TENM4: variants seen among roughly 807,000 people sequenced by gnomAD.
The protein encoded by TENM4 is teneurin transmembrane protein 4.
TENM4 carries 82 observed loss-of-function variants against 243.3 expected under a neutral mutation model. The observed-to-expected ratio is 0.34, with a 90% CI of 0.28 to 0.40. The LOEUF (loss-of-function observed/expected upper bound fraction) is 0.40. TENM4 is among the 10% of genes least tolerant of loss of function. TENM4 has a pLI of 1.00. For missense variants in TENM4, 3,138 were observed against 3,673.3 expected, an observed-to-expected ratio of 0.85 and a Z score of 3.77; for synonymous variants, 1,412 against 1,456.3, an observed-to-expected ratio of 0.97 and a Z score of 0.69.
intron 3 of TENM4, among the ~76,000 whole-genome samples, chr11:79,204,102 G>T (rs1291535583): frequency 6.6e-6 from 1 of 152,200 alleles, no homozygotes; most frequent in East Asian, 1.9e-4. Context: ...GTGGTGCAGG[G>T]GGTGGAGGCA....
At chr11:78,878,934 C>A (rs1859339418) in intron 9 of TENM4, among the ~76,000 whole-genome samples, 1 of 152,230 alleles carries the variant, frequency 6.6e-6, no homozygotes, top group South Asian at 2.1e-4. Flanking sequence ...AATATAATGG[C>A]TTTTACACTT....
chr11:79,033,103 G>A (rs1859287708), intron 6 of TENM4, among the ~76,000 whole-genome samples: 1 of 152,030 alleles, frequency 6.6e-6, no homozygotes, highest in Non-Finnish European at 1.5e-5. Context: ...CCTCAGGGAA[G>A]AACTAAATCT....
chr11:78,806,671 T>C (rs1279614710), intron 14 of TENM4, among the ~76,000 whole-genome samples: 1 of 152,200 alleles, frequency 6.6e-6, no homozygotes, highest in Non-Finnish European at 1.5e-5. Context: ...GAGGAATTCT[T>C]TTCCTGATTT....
chr11:79,436,452 A>G (rs1339999988), intron 1 of TENM4, among the ~76,000 whole-genome samples: 1 of 152,230 alleles, frequency 6.6e-6, no homozygotes, highest in African/African-American at 2.4e-5. Context: ...CCACAGAGCC[A>G]TGATTCCAAC....
intron 12 of TENM4, among the ~76,000 whole-genome samples, chr11:78,831,999 A>G (rs936151545): frequency 6.6e-6 from 1 of 152,258 alleles, no homozygotes; most frequent in African/African-American, 2.4e-5. Flanking sequence ...AGTCAGGCAC[A>G]GTGCTGGTAC....
At chr11:79,340,790 G>A (rs545312280) in intron 1 of TENM4, among the ~76,000 whole-genome samples, 44 of 152,030 alleles carry the variant, frequency 2.9e-4, no homozygotes, top group African/African-American at 1.0e-3. Flanking sequence ...TTAGGAAATC[G>A]TCCCTGCACT....
intron 9 of TENM4, among the ~76,000 whole-genome samples, chr11:78,884,580 G>A (rs886403924): frequency 6.6e-6 from 1 of 152,224 alleles, no homozygotes; most frequent in African/African-American, 2.4e-5. Flanking sequence ...ACTTCTCTGA[G>A]CTTTAGTTTC....
intron 9 of TENM4, among the ~76,000 whole-genome samples, chr11:78,871,683 C>T (rs1320810275): frequency 6.6e-6 from 1 of 152,178 alleles, no homozygotes; most frequent in Non-Finnish European, 1.5e-5. Flanking sequence ...GCTTGTTCTT[C>T]CATCAGGCGC....
intron 6 of TENM4, among the ~76,000 whole-genome samples, chr11:79,001,039 G>A (rs1286043490): frequency 6.6e-6 from 1 of 152,172 alleles, no homozygotes; most frequent in Non-Finnish European, 1.5e-5. Flanking sequence ...TCAAAAAAAG[G>A]AAAGTAGCAA....
intron 32 of TENM4, among the ~76,000 whole-genome samples, 169 bp from the exon 33 acceptor site, chr11:78,661,760 T>C (rs1435106636): frequency 1.3e-5 from 2 of 152,150 alleles, no homozygotes; most frequent in African/African-American, 4.8e-5. Flanking sequence ...AAGCCAAATG[T>C]ACTCCTGGGA....
At chr11:79,119,647 G>A (rs774576867) in intron 4 of TENM4, among the ~76,000 whole-genome samples, 36 of 152,126 alleles carry the variant, frequency 2.4e-4, no homozygotes, top group Admixed American at 1.2e-3. Context: ...GTAAGTGTGC[G>A]CAGAGGCAGG....
At chr11:79,404,823 A>G (rs1412856631) in intron 1 of TENM4, among the ~76,000 whole-genome samples, 2 of 152,040 alleles carry the variant, frequency 1.3e-5, no homozygotes, top group Admixed American at 1.3e-4. Flanking sequence ...ATATATGGGG[A>G]ATTGTAGAGC....
intron 9 of TENM4, among the ~76,000 whole-genome samples, chr11:78,878,113 C>T (rs1859318016): frequency 6.6e-6 from 1 of 152,204 alleles, no homozygotes; most frequent in African/African-American, 2.4e-5. Context: ...ATACACTTTC[C>T]ACCTTTGATC....
intron 2 of TENM4, among the ~76,000 whole-genome samples, chr11:79,242,575 C>T (rs1023061244): frequency 3.9e-5 from 6 of 152,108 alleles, no homozygotes; most frequent in Non-Finnish European, 8.8e-5. Context: ...ATAAAATCAC[C>T]ATAAGCATAC....
intron 4 of TENM4, among the ~76,000 whole-genome samples, chr11:79,109,186 G>T (rs1861444523): frequency 6.6e-6 from 1 of 152,024 alleles, no homozygotes; most frequent in African/African-American, 2.4e-5. Flanking sequence ...AGCTGCAGGT[G>T]GTTTTTAATG....
intron 1 of TENM4, among the ~76,000 whole-genome samples, chr11:79,370,223 G>A (rs1857755115): frequency 6.6e-6 from 1 of 152,290 alleles, no homozygotes; most frequent in East Asian, 1.9e-4. Context: ...CTTCACATGG[G>A]CCCCCTACGA....
chr11:79,422,248 T>TACACACACACACACACACACACACAC (rs36083983), intron 1 of TENM4: 10 of 142,630 alleles, frequency 7.0e-5, no homozygotes, highest in South Asian at 2.4e-4. Context: ...ACATGGTTCT[T>TACACACACACACACACACACACACAC]ACACACACAC....
intron 6 of TENM4, among the ~76,000 whole-genome samples, chr11:79,005,703 C>T (rs983210973): frequency 5.9e-5 from 9 of 152,146 alleles, no homozygotes; most frequent in African/African-American, 1.7e-4. Flanking sequence ...GATGCCCACT[C>T]TCACCACTCC....
chr11:79,414,984 G>C (rs549830897), intron 1 of TENM4, among the ~76,000 whole-genome samples: 1 of 152,192 alleles, frequency 6.6e-6, no homozygotes, highest in Non-Finnish European at 1.5e-5. Flanking sequence ...GAGAGGCCTC[G>C]TGGTGCAGGG....
Sources: allele counts gnomAD v4.1 joint callset (sites outside exome capture counted in the v4.1 genomes callset), GRCh38; gene constraint gnomAD v4.1.1; transcripts MANE v1.5; gene names NCBI Gene and HGNC (gene_info 2026-07-23, HGNC 2026-07-21).